The following UNC13C variants were observed in gnomAD, a reference collection of about 807,000 sequenced individuals.
The protein encoded by UNC13C is unc-13 homolog C.
UNC13C carries 174 observed loss-of-function variants against 245.4 expected under a neutral mutation model. The observed-to-expected ratio is 0.71, with a 90% confidence interval of 0.63 to 0.80. The LOEUF is 0.80. Among genes scored for constraint, UNC13C ranks in the 30% least tolerant of loss-of-function variants. The probability of loss-of-function intolerance (pLI) is 0.00; values close to 1 mark genes in which losing one functional copy is unlikely to be tolerated. For missense variants in UNC13C, 2,829 were observed against 2,602.9 expected, an observed-to-expected ratio of 1.09 and a Z score of -1.89; for synonymous variants, 992 against 895.1, an observed-to-expected ratio of 1.11 and a Z score of -1.93.
At chr15:53,892,562 C>T in the UNC13C span, among the ~76,000 whole-genome samples, 5 of 152,160 alleles carry the variant, frequency 3.3e-5, no homozygotes, top group South Asian at 1.0e-3. Flanking sequence ...TTCTTGGAGG[C>T]TTTATTTATT....
At chr15:54,151,471 C>T (rs1181307383) in intron 4 of UNC13C, among the ~76,000 whole-genome samples, 3 of 152,072 alleles carry the variant, frequency 2.0e-5, no homozygotes, top group East Asian at 3.9e-4. Flanking sequence ...GGCCTGATCT[C>T]GGCTGACTGC....
chr15:54,590,197 T>C (rs1898711498), intron 30 of UNC13C, among the ~76,000 whole-genome samples: 1 of 152,226 alleles, frequency 6.6e-6, no homozygotes, highest in Non-Finnish European at 1.5e-5. Flanking sequence ...TATGGCCTTA[T>C]AGTATAGTTT....
At position 54,093,526 on chromosome 15, in the gene UNC13C, A is replaced by C. The variant is rs377474127; in HGVS notation, c.2984-49492A>C. 2.4e-4 allele frequency among the ~76,000 whole-genome samples: 36 copies of C among 152,368 alleles called. 1 individual carries two copies. Among genetic ancestry groups the C allele is most frequent in the African/African-American group, 8.2e-4 (34 of 41,600 alleles). On this transcript the variant is annotated intron_variant, in intron 2 of 32. Coordinates refer to ENST00000260323, the MANE Select transcript of UNC13C (RefSeq NM_001080534.3). ...TAATGTTGCTTTCTTGAGCAGTTTA[A>C]TGAGAACATCTTTTATTTTTAAATG...
intron 19 of UNC13C, among the ~76,000 whole-genome samples, chr15:54,458,877 G>A (rs1891684804): frequency 6.6e-6 from 1 of 151,586 alleles, no homozygotes; most frequent in Non-Finnish European, 1.5e-5. Context: ...TTTTAGTGGA[G>A]CATTTAGGCC....
the UNC13C span, among the ~76,000 whole-genome samples, chr15:53,873,332 C>T: frequency 6.6e-6 from 1 of 152,102 alleles, no homozygotes; most frequent in Non-Finnish European, 1.5e-5. Context: ...CTCATCCTGT[C>T]TCATTCCCTG....
rs2030441608 is a variant in UNC13C, at chr15:54,118,594, G to T, written c.2984-24424G>T. On this transcript the variant is annotated intron_variant, in intron 2 of 32. Transcript: ENST00000260323. ...TATAATATCATGTCATCTGTGAATA[G>T]GGATAATTCAACTCATTACCTTCCA... 2.0e-5 allele frequency among the ~76,000 whole-genome samples: 3 copies of T among 152,086 alleles called. No individual in the cohort carries two copies. The South Asian group carries it at 6.2e-4, about 31-fold the overall frequency.
rs1156525916 is a variant in UNC13C at position 54,293,995 on chromosome 15, G to T, written c.3919G>T (p.Asp1307Tyr). ...VKQHFKKESDDFLGQTIVEVR... is the reference protein window; with the variant it reads ...VKQHFKKESDYFLGQTIVEVR... Reference sequence around the variant, plus strand: ...GCAACATTTCAAAAAGGAGTCAGATGATTTTCTGGGACAAACAATTGTAGA... The same window carrying T: ...GCAACATTTCAAAAAGGAGTCAGATTATTTTCTGGGACAAACAATTGTAGA... Residue 1307 changes from aspartate to tyrosine, a missense_variant, in exon 11 of 33, where the codon GAT becomes TAT. Physicochemically the swap from Asp to Tyr is radical, Grantham distance 160. Coordinates refer to ENST00000260323, the MANE Select transcript of UNC13C (RefSeq NM_001080534.3). The T allele has an allele frequency of 1.3e-6, 2 of 1,597,978 alleles. No individual in the cohort carries two copies. Among genetic ancestry groups the T allele is most frequent in the Non-Finnish European group, 1.7e-6 (2 of 1,172,830 alleles).
chr15:54,335,133 T>G (rs1378609964), intron 16 of UNC13C, among the ~76,000 whole-genome samples: 2 of 152,156 alleles, frequency 1.3e-5, no homozygotes, highest in Non-Finnish European at 2.9e-5. Flanking sequence ...AAATGTGGTC[T>G]CTTCTACTGG....
In UNC13C at chr15:54,411,777, G is replaced by C. The variant is rs1401127511; in HGVS notation, c.4848-3205G>C. Among the ~76,000 whole-genome samples, 8 of 152,074 alleles carry C rather than the reference G, an allele frequency of 5.3e-5. No individual in the cohort carries two copies. The East Asian group carries it at 1.5e-3, about 29-fold the overall frequency. ...TAAAAAAACATTTTTTCCTCTTCTA[G>C]TGCTTTTACTTTGCTATGTCAATTT... On this transcript the variant is annotated intron_variant, in intron 18 of 32. Coordinates refer to ENST00000260323, the MANE Select transcript of UNC13C (RefSeq NM_001080534.3).
At chr15:54,096,213 A>G (rs1252839750) in intron 2 of UNC13C, among the ~76,000 whole-genome samples, 1 of 152,190 alleles carries the variant, frequency 6.6e-6, no homozygotes, top group African/African-American at 2.4e-5. Flanking sequence ...ACTTTCATTC[A>G]GATCTGAAGC....
intron 19 of UNC13C, among the ~76,000 whole-genome samples, chr15:54,466,646 T>C (rs550392971): frequency 1.5e-4 from 23 of 151,988 alleles, no homozygotes; most frequent in African/African-American, 4.6e-4. Context: ...TATTCTCTTT[T>C]GGCAAATAAA....
At chr15:53,837,730 T>A in the UNC13C span, among the ~76,000 whole-genome samples, 4 of 152,170 alleles carry the variant, frequency 2.6e-5, no homozygotes, top group Non-Finnish European at 5.9e-5. Context: ...GGAATTGATT[T>A]CTTGTGTGTA....
chr15:54,369,339 C>T (rs548323306), intron 17 of UNC13C, among the ~76,000 whole-genome samples: 6 of 152,162 alleles, frequency 3.9e-5, no homozygotes, highest in South Asian at 4.2e-4. Context: ...TTGCCTTTGC[C>T]GAAGCCCTTT....
chr15:54,357,893 T>G (rs1511792), intron 17 of UNC13C, among the ~76,000 whole-genome samples: 70,833 of 151,446 alleles, frequency 0.47, 16,879 homozygotes, highest in East Asian at 0.74. Context: ...TTATATGTGT[T>G]TGTATGTATG....
intron 14 of UNC13C, among the ~76,000 whole-genome samples, chr15:54,324,441 A>G (rs563215873): frequency 2.4e-4 from 37 of 152,228 alleles, no homozygotes; most frequent in African/African-American, 8.2e-4. Context: ...GACCTTTTCA[A>G]GTATAAATCT....
rs374813230 is a variant in UNC13C at position 54,626,948 on chromosome 15, A to G, written c.6480A>G (p.Ala2160=). ...CAGTCATTCAGCTACAGAACATAGC[A>G]GAAAAGGGAAGCTATGGGGCATGGT... ...GMTVIQLQNI[A]EKGSYGAWYP... Residue 2160 remains alanine, a synonymous_variant, in exon 33 of 33, where the codon GCA becomes GCG. Coordinates refer to ENST00000260323, the MANE Select transcript of UNC13C (RefSeq NM_001080534.3). 3.7e-5 allele frequency: 59 copies of G among 1,613,426 alleles called. No individual in the cohort carries two copies. Among genetic ancestry groups the G allele is most frequent in the Non-Finnish European group, 4.8e-5 (57 of 1,179,644 alleles).
Position 54,456,631 on chromosome 15 carries a change from T to TTTAG in UNC13C, c.4934-37974_4934-37973insGTTA, listed in dbSNP as rs1473113434. ...ATTTATTTATTTATTTATTTATTTA[T>TTTAG]TTATAGTTGTTGCAAAAGGGTTTGA... On this transcript the variant is annotated intron_variant, in intron 19 of 32. Coordinates refer to ENST00000260323, the MANE Select transcript of UNC13C (RefSeq NM_001080534.3). Among the ~76,000 whole-genome samples, 4 of 150,804 alleles carry TTTAG rather than the reference T, an allele frequency of 2.7e-5. No individual in the cohort carries two copies. In the East Asian group the frequency reaches 7.8e-4, roughly 29 times the overall value.
In UNC13C at chr15:54,058,869, T is replaced by A. The variant is rs1430409534; in HGVS notation, c.2983+42983T>A. Among the ~76,000 whole-genome samples, 8 of 152,334 alleles carry A rather than the reference T, an allele frequency of 5.3e-5. 1 individual carries two copies. Among genetic ancestry groups the A allele is most frequent in the African/African-American group, 1.9e-4 (8 of 41,586 alleles). On this transcript the variant is annotated intron_variant, in intron 2 of 32. Coordinates refer to ENST00000260323, the MANE Select transcript of UNC13C (RefSeq NM_001080534.3). ...GAACCAAAGACAAAAACCACATGAT[T>A]ATCTCGATAGATGCAGAAAAGGCCT...
chr15:54,384,214 A>G (rs2039787900), intron 17 of UNC13C, among the ~76,000 whole-genome samples: 1 of 152,182 alleles, frequency 6.6e-6, no homozygotes, highest in Non-Finnish European at 1.5e-5. Context: ...AACCCTGAGC[A>G]TAAAGAACAA....
Sources: allele counts gnomAD v4.1 joint callset (sites outside exome capture counted in the v4.1 genomes callset), GRCh38; gene constraint gnomAD v4.1.1; transcripts MANE v1.5; gene names NCBI Gene and HGNC (gene_info 2026-07-23, HGNC 2026-07-21).